The following CSMD1 variants were observed in gnomAD, a reference collection of about 807,000 sequenced individuals.
The protein encoded by CSMD1 is CUB and sushi domain-containing protein 1.
Under a neutral mutation model 417.5 loss-of-function variants are expected in CSMD1, and 213 were observed. The observed-to-expected ratio is 0.51, with a 90% CI of 0.46 to 0.57. The LOEUF is 0.57. Ranked by LOEUF, CSMD1 falls within the 20% of genes least tolerant of loss-of-function variation. CSMD1 has a pLI of 0.00. For synonymous variants in CSMD1, 2,862 were observed against 1,736.8 expected (o/e 1.65, Z -16.11); for missense variants, 6,923 against 4,529.7 (o/e 1.53, Z -15.17).
intron 5 of CSMD1, among the ~76,000 whole-genome samples, chr8:3,850,684 G>A (rs1050421817): frequency 8.6e-5 from 13 of 151,912 alleles, no homozygotes; most frequent in African/African-American, 2.7e-4. Context: ...GACAGAGTGC[G>A]ACTCTGTCTC....
chr8:4,644,799 A>C (rs142919201), intron 1 of CSMD1, among the ~76,000 whole-genome samples: 133 of 152,322 alleles, frequency 8.7e-4, no homozygotes, highest in African/African-American at 3.1e-3. Flanking sequence ...TCTACACTAA[A>C]ATGTAAACCT....
chr8:3,664,715 G>A (rs1039991389), intron 7 of CSMD1, among the ~76,000 whole-genome samples: 1 of 152,202 alleles, frequency 6.6e-6, no homozygotes. Flanking sequence ...TTATCGGGAT[G>A]TTGAATAAAA....
At chr8:4,977,421 T>C (rs537075931) in intron 1 of CSMD1, among the ~76,000 whole-genome samples, 1 of 152,234 alleles carries the variant, frequency 6.6e-6, no homozygotes, top group South Asian at 2.1e-4. Flanking sequence ...GAGACTGTTG[T>C]GTGTGAGGGG....
chr8:4,933,349 C>T (rs1454285952), intron 1 of CSMD1, among the ~76,000 whole-genome samples: 2 of 152,106 alleles, frequency 1.3e-5, no homozygotes, highest in Non-Finnish European at 2.9e-5. Context: ...ATATAGTATC[C>T]CCCATTTTGG....
At chr8:4,251,035 A>T (rs1203018119) in intron 3 of CSMD1, among the ~76,000 whole-genome samples, 1 of 152,174 alleles carries the variant, frequency 6.6e-6, no homozygotes, top group Non-Finnish European at 1.5e-5. Context: ...TAGATACTGG[A>T]CACAAATTCA....
chr8:4,757,065 A>G (rs1345604580), intron 1 of CSMD1, among the ~76,000 whole-genome samples: 1 of 152,260 alleles, frequency 6.6e-6, no homozygotes, highest in Non-Finnish European at 1.5e-5. Flanking sequence ...AGAAACTGAA[A>G]CAGAAATGGC....
At chr8:3,912,528 G>T (rs1201485816) in intron 5 of CSMD1, among the ~76,000 whole-genome samples, 4 of 152,154 alleles carry the variant, frequency 2.6e-5, no homozygotes, top group African/African-American at 7.2e-5. Flanking sequence ...ACATAACAGA[G>T]GGGGCTGGTT....
At chr8:3,449,960 A>G (rs146670021) in intron 12 of CSMD1, among the ~76,000 whole-genome samples, 89 of 152,338 alleles carry the variant, frequency 5.8e-4, no homozygotes, top group African/African-American at 2.0e-3. Flanking sequence ...AGCTTGCCAT[A>G]ATCAAGCGTT....
At chr8:2,948,914 T>C (rs1013410861) in intron 68 of CSMD1, among the ~76,000 whole-genome samples, 18 of 151,926 alleles carry the variant, frequency 1.2e-4, no homozygotes, top group African/African-American at 4.3e-4. Flanking sequence ...TATATATATG[T>C]ATATTTCTGA....
intron 3 of CSMD1, among the ~76,000 whole-genome samples, chr8:4,261,152 G>C (rs988376217): frequency 1.3e-5 from 2 of 152,022 alleles, no homozygotes; most frequent in African/African-American, 2.4e-5. Context: ...CCTTCTACTG[G>C]CTTGAAAGTT....
At chr8:3,095,019 G>C (rs1436138114) in intron 47 of CSMD1, among the ~76,000 whole-genome samples, 1 of 152,032 alleles carries the variant, frequency 6.6e-6, no homozygotes, top group Non-Finnish European at 1.5e-5. Flanking sequence ...TTTACCTGTT[G>C]TTTATAATGG....
intron 1 of CSMD1, among the ~76,000 whole-genome samples, chr8:4,738,961 G>C (rs954255012): frequency 6.7e-6 from 1 of 148,932 alleles, no homozygotes; most frequent in African/African-American, 2.5e-5. Flanking sequence ...TGAAGGGCTT[G>C]AATAATATAC....
chr8:3,595,428 C>A (rs963752506), intron 8 of CSMD1, among the ~76,000 whole-genome samples: 1 of 152,162 alleles, frequency 6.6e-6, no homozygotes, highest in Non-Finnish European at 1.5e-5. Context: ...TTTTTAGACT[C>A]ATTTCTTCAA....
chr8:4,428,452 C>G (rs183974704), intron 2 of CSMD1, among the ~76,000 whole-genome samples: 1 of 152,062 alleles, frequency 6.6e-6, no homozygotes, highest in Non-Finnish European at 1.5e-5. Context: ...AATGGTTTTT[C>G]ACATTAATTT....
intron 3 of CSMD1, among the ~76,000 whole-genome samples, chr8:4,153,385 T>C (rs1359402996): frequency 6.6e-6 from 1 of 152,230 alleles, no homozygotes; most frequent in Non-Finnish European, 1.5e-5. Context: ...AGTGTAATAC[T>C]CTGCAGTTCT....
intron 1 of CSMD1, among the ~76,000 whole-genome samples, chr8:4,692,719 G>A (rs979642903): frequency 4.6e-5 from 7 of 152,122 alleles, no homozygotes; most frequent in Admixed American, 1.3e-4. Flanking sequence ...CAAACCCCCC[G>A]ATAACGTGCA....
chr8:3,088,947 A>C (rs1392289086), intron 48 of CSMD1, among the ~76,000 whole-genome samples: 1 of 152,082 alleles, frequency 6.6e-6, no homozygotes, highest in Non-Finnish European at 1.5e-5. Flanking sequence ...GCAGGAAGTG[A>C]GACCATGAGG....
At chr8:3,851,785 T>G (rs7016853) in intron 5 of CSMD1, among the ~76,000 whole-genome samples, 21,075 of 151,940 alleles carry the variant, frequency 0.14, 1,538 homozygotes, top group South Asian at 0.18. Flanking sequence ...TGACCACAAG[T>G]CAGGTGTGAG....
chr8:4,418,573 A>C (rs1213124843), intron 3 of CSMD1, among the ~76,000 whole-genome samples: 1 of 152,204 alleles, frequency 6.6e-6, no homozygotes, highest in Non-Finnish European at 1.5e-5. Flanking sequence ...TTTTCTGAAC[A>C]AATATTGTAT....
Sources: gnomAD v4.1 joint callset for allele counts (sites outside exome capture counted in the v4.1 genomes callset) on GRCh38, gnomAD v4.1.1 for gene constraint, MANE v1.5 for transcripts, NCBI Gene and HGNC (gene_info 2026-07-23, HGNC 2026-07-21) for gene names.